The following EPM2A variants were observed in gnomAD, a reference collection of about 807,000 sequenced individuals.
EPM2A encodes the protein laforin.
In EPM2A, 21 loss-of-function variants were observed where a neutral mutation model predicts 26.5. The observed-to-expected ratio is 0.79, with a 90% CI of 0.56 to 1.14. The LOEUF is 1.14. Among genes scored for constraint, EPM2A ranks in the 50% most tolerant of loss-of-function variants. The pLI is 0.00. For missense variants in EPM2A, 458 were observed against 440.8 expected (o/e 1.04, Z -0.35); for synonymous variants, 217 against 177.6 (o/e 1.22, Z -1.76).
intron 2 of EPM2A, among the ~76,000 whole-genome samples, chr6:145,537,252 T>C (rs1458773029): frequency 6.6e-6 from 1 of 152,152 alleles, no homozygotes; most frequent in African/African-American, 2.4e-5. Context: ...TTGCTACAAG[T>C]TGTGGGTCAA....
At chr6:145,439,343 G>T (rs1300184217) in intron 4 of EPM2A, among the ~76,000 whole-genome samples, 1 of 152,114 alleles carries the variant, frequency 6.6e-6, no homozygotes, top group Non-Finnish European at 1.5e-5. Context: ...GAGATTGCTG[G>T]GTTGAATGGT....
At chr6:145,567,847 G>C (rs1290390632) in intron 2 of EPM2A, among the ~76,000 whole-genome samples, 1 of 152,182 alleles carries the variant, frequency 6.6e-6, no homozygotes, top group Non-Finnish European at 1.5e-5. Flanking sequence ...ATCCGGCTCT[G>C]CTGTCTTTGT....
At chr6:145,585,226 A>T (rs577174724) in intron 2 of EPM2A, among the ~76,000 whole-genome samples, 1 of 151,756 alleles carries the variant, frequency 6.6e-6, no homozygotes, top group Non-Finnish European at 1.5e-5. Flanking sequence ...TGTTTTGTTT[A>T]TGTTCATTTT....
intron 2 of EPM2A, among the ~76,000 whole-genome samples, chr6:145,573,035 T>G (rs1780981321): frequency 6.6e-6 from 1 of 152,198 alleles, no homozygotes; most frequent in South Asian, 2.1e-4. Context: ...CTTCTAGAAA[T>G]TTTACTGAGG....
chr6:145,711,247 C>T (rs1186550451), intron 1 of EPM2A, among the ~76,000 whole-genome samples: 2 of 152,040 alleles, frequency 1.3e-5, no homozygotes, highest in Admixed American at 1.3e-4. Flanking sequence ...CTGGCCAATC[C>T]CAGAACTATT....
intron 2 of EPM2A, among the ~76,000 whole-genome samples, chr6:145,521,732 T>C (rs1780204523): frequency 6.6e-6 from 1 of 152,162 alleles, no homozygotes; most frequent in Non-Finnish European, 1.5e-5. Flanking sequence ...AGAGTTAATA[T>C]ACTAGAGGGA....
intron 1 of EPM2A, among the ~76,000 whole-genome samples, chr6:145,696,378 G>A (rs1483558098): frequency 9.2e-5 from 14 of 152,080 alleles, no homozygotes; most frequent in Admixed American, 9.2e-4. Context: ...GCACAGTAGG[G>A]TGACTAAAGT....
chr6:145,628,290 T>A, intron 3 of EPM2A: 1 of 153,836 alleles, frequency 6.5e-6, no homozygotes, highest in Admixed American at 6.4e-5. Context: ...CTAAAACTGA[T>A]TTAATTTCTA....
intron 4 of EPM2A, among the ~76,000 whole-genome samples, chr6:145,386,579 T>G (rs891694649): frequency 6.6e-6 from 1 of 152,044 alleles, no homozygotes; most frequent in African/African-American, 2.4e-5. Context: ...AACTTTTTTT[T>G]AAAGTTCTTC....
At chr6:145,590,967 A>G (rs889028287) in intron 2 of EPM2A, among the ~76,000 whole-genome samples, 3 of 152,220 alleles carry the variant, frequency 2.0e-5, no homozygotes, top group Non-Finnish European at 4.4e-5. Context: ...TAAAATGTTA[A>G]GAAATCTAAT....
At chr6:145,565,961 G>A (rs1780879214) in intron 2 of EPM2A, among the ~76,000 whole-genome samples, 1 of 152,154 alleles carries the variant, frequency 6.6e-6, no homozygotes, top group African/African-American at 2.4e-5. Flanking sequence ...GGCAATGTTT[G>A]GATCAGTGAG....
At chr6:145,419,014 C>T (rs1356913479) in intron 4 of EPM2A, among the ~76,000 whole-genome samples, 1 of 152,082 alleles carries the variant, frequency 6.6e-6, no homozygotes, top group Non-Finnish European at 1.5e-5. Context: ...GAGTCAGAGG[C>T]CTTTGGTTCT....
At chr6:145,530,123 C>G (rs2114782614) in intron 2 of EPM2A, among the ~76,000 whole-genome samples, 1 of 152,176 alleles carries the variant, frequency 6.6e-6, no homozygotes, top group East Asian at 1.9e-4. Context: ...CCAGTCAGTT[C>G]TGAAGCAGAG....
intron 4 of EPM2A, among the ~76,000 whole-genome samples, chr6:145,404,964 T>C (rs1778546635): frequency 6.6e-6 from 1 of 152,122 alleles, no homozygotes; most frequent in African/African-American, 2.4e-5. Flanking sequence ...TTATAAAACT[T>C]TGTGTCCACA....
At chr6:145,676,366 C>A (rs763639955) in intron 2 of EPM2A, among the ~76,000 whole-genome samples, 2 of 152,118 alleles carry the variant, frequency 1.3e-5, no homozygotes, top group African/African-American at 4.8e-5. Context: ...ATTAAAAGAA[C>A]TGTAGAAGCA....
intron 1 of EPM2A, among the ~76,000 whole-genome samples, chr6:145,712,665 T>C (rs989059054): frequency 1.8e-4 from 27 of 152,216 alleles, no homozygotes; most frequent in Non-Finnish European, 3.4e-4. Flanking sequence ...ATCTGCTTAT[T>C]ATGAGTGTTT....
downstream of EPM2A, among the ~76,000 whole-genome samples, chr6:145,621,523 C>T (rs935785240): frequency 2.0e-5 from 3 of 151,918 alleles, no homozygotes; most frequent in Admixed American, 6.5e-5. Flanking sequence ...ATATTGTTTT[C>T]CATAACGGCT....
At chr6:145,572,456 G>A (rs527348763) in intron 2 of EPM2A, among the ~76,000 whole-genome samples, 1 of 152,282 alleles carries the variant, frequency 6.6e-6, no homozygotes, top group African/African-American at 2.4e-5. Context: ...GATGATGGAT[G>A]CTGCTGTGCA....
At chr6:145,496,887 G>A (rs535897206), downstream of EPM2A, among the ~76,000 whole-genome samples, 81 of 151,988 alleles carry the variant, frequency 5.3e-4, no homozygotes, top group South Asian at 0.01. Flanking sequence ...ACAGGCGCCC[G>A]CCACCGCGCC....
Sources: allele counts gnomAD v4.1 joint callset (sites outside exome capture counted in the v4.1 genomes callset), GRCh38; gene constraint gnomAD v4.1.1; transcripts MANE v1.5; gene names NCBI Gene and HGNC (gene_info 2026-07-23, HGNC 2026-07-21).